PIGL: variants seen among roughly 807,000 people sequenced by gnomAD.
PIGL encodes the protein N-acetylglucosaminyl-phosphatidylinositol de-N-acetylase.
Under a neutral mutation model 31.1 loss-of-function variants are expected in PIGL, and 22 were observed. The ratio of observed to expected loss-of-function variants is 0.71; its 90% CI spans 0.51 to 1.01. PIGL has a LOEUF of 1.01. Among genes scored for constraint, PIGL ranks in the 50% least tolerant of loss-of-function variants. The probability of loss-of-function intolerance (pLI) is 0.00; values close to 1 mark genes in which losing one functional copy is unlikely to be tolerated. For missense variants in PIGL, 302 were observed against 315.9 expected (o/e 0.96, Z 0.33); for synonymous variants, 131 against 117.4 (o/e 1.12, Z -0.75).
chr17:16,252,047 C>T (rs1324561338), intron 2 of PIGL, among the ~76,000 whole-genome samples: 5 of 138,444 alleles, frequency 3.6e-5, no homozygotes, highest in Non-Finnish European at 7.6e-5. Flanking sequence ...TTTCTCTATG[C>T]GCAGATAATT....
intron 2 of PIGL, among the ~76,000 whole-genome samples, chr17:16,237,774 C>A (rs1025516349): frequency 2.4e-5 from 3 of 126,480 alleles, no homozygotes; most frequent in Non-Finnish European, 4.7e-5. Context: ...AACTCCAGCC[C>A]GGATAACAGA....
chr17:16,274,580 G>T (rs542693524), intron 2 of PIGL, among the ~76,000 whole-genome samples: 1 of 151,638 alleles, frequency 6.6e-6, no homozygotes, highest in Admixed American at 6.6e-5. Context: ...AAAATTAGCC[G>T]GGCGTGGTGG....
At chr17:16,283,483 T>C (rs2092925012) in intron 2 of PIGL, among the ~76,000 whole-genome samples, 1 of 151,934 alleles carries the variant, frequency 6.6e-6, no homozygotes, top group Non-Finnish European at 1.5e-5. Context: ...AAAAAAGATA[T>C]TTCTGAGGAG....
At chr17:16,304,798 G>A (rs1304730256) in intron 3 of PIGL, among the ~76,000 whole-genome samples, 1 of 152,082 alleles carries the variant, frequency 6.6e-6, no homozygotes, top group Non-Finnish European at 1.5e-5. Context: ...GGTGAACTGG[G>A]AATACAACAG....
rs142095156 is a variant in PIGL at position 16,260,385 on chromosome 17, G to C, written c.335+26315G>C. On this transcript the variant is annotated intron_variant, in intron 2 of 6. Coordinates refer to ENST00000225609, the MANE Select transcript of PIGL (RefSeq NM_004278.4). ...CCATGGCAAACCATGGACCAATTCA[G>C]CACTCATTTCCTCCCCTCTGAAGCC... Among the ~76,000 whole-genome samples, 29 of 152,310 alleles carry C rather than the reference G, an allele frequency of 1.9e-4. 2 individuals are homozygous for C. Among genetic ancestry groups the C allele is most frequent in the African/African-American group, 7.0e-4 (29 of 41,576 alleles).
intron 2 of PIGL, among the ~76,000 whole-genome samples, chr17:16,259,281 GA>G (rs200555325): frequency 0.053 from 7,264 of 137,050 alleles, 287 homozygotes; most frequent in African/African-American, 0.12. Context: ...GACTTTGCAG[GA>G]AAAAAAAAAA....
At chr17:16,295,059 C>T (rs2092975573) in intron 2 of PIGL, among the ~76,000 whole-genome samples, 1 of 152,180 alleles carries the variant, frequency 6.6e-6, no homozygotes, top group Admixed American at 6.5e-5. Flanking sequence ...CTTGGTTAGA[C>T]CTTGACTGAT....
chr17:16,240,946 C>A (rs2092720328), intron 2 of PIGL, among the ~76,000 whole-genome samples: 1 of 151,310 alleles, frequency 6.6e-6, no homozygotes, highest in Non-Finnish European at 1.5e-5. Flanking sequence ...GAAACCCGGT[C>A]TCTACTAAAA....
intron 2 of PIGL, among the ~76,000 whole-genome samples, chr17:16,261,259 G>A (rs2092818179): frequency 1.3e-5 from 2 of 152,136 alleles, no homozygotes; most frequent in South Asian, 4.1e-4. Context: ...CTGCTGGGCT[G>A]AGTGGGCAGA....
At chr17:16,254,426 A>T (rs1028515204) in intron 2 of PIGL, among the ~76,000 whole-genome samples, 3 of 150,596 alleles carry the variant, frequency 2.0e-5, no homozygotes, top group Admixed American at 1.3e-4. Flanking sequence ...GCGCCACCAC[A>T]CCTGGCTAAT....
intron 2 of PIGL, chr17:16,279,727 T>G (rs2092909036): frequency 6.6e-6 from 1 of 152,214 alleles, no homozygotes. Context: ...AGTGAGTCAG[T>G]CATCAGATTA....
intron 2 of PIGL, among the ~76,000 whole-genome samples, chr17:16,247,744 G>C (rs1043408402): frequency 6.6e-6 from 1 of 152,174 alleles, no homozygotes; most frequent in Non-Finnish European, 1.5e-5. Context: ...AGTCCAGCAG[G>C]CTTCTTTCGT....
intron 3 of PIGL, among the ~76,000 whole-genome samples, chr17:16,308,851 T>G (rs1308933226): frequency 6.9e-6 from 1 of 145,788 alleles, no homozygotes; most frequent in East Asian, 2.1e-4. Flanking sequence ...TGGAATGGTG[T>G]GATCATGGCT....
At chr17:16,281,074 A>G (rs2092914904) in intron 2 of PIGL, among the ~76,000 whole-genome samples, 1 of 152,202 alleles carries the variant, frequency 6.6e-6, no homozygotes, top group South Asian at 2.1e-4. Context: ...ACATGTATAA[A>G]TATAAGCACT....
intron 2 of PIGL, among the ~76,000 whole-genome samples, chr17:16,257,649 G>T (rs1158391961): frequency 1.9e-5 from 2 of 102,696 alleles, no homozygotes; most frequent in South Asian, 2.5e-4. Context: ...TCAGCAGTGG[G>T]TTTTTTTTTT....
intron 3 of PIGL, among the ~76,000 whole-genome samples, chr17:16,307,892 C>G (rs2093032680): frequency 6.7e-6 from 1 of 149,948 alleles, no homozygotes. Flanking sequence ...TTCAAGGAGC[C>G]CAGGGGTTCA....
chr17:16,260,185 A>G (rs939836059), intron 2 of PIGL, among the ~76,000 whole-genome samples: 10 of 152,136 alleles, frequency 6.6e-5, no homozygotes, highest in Non-Finnish European at 1.5e-4. Flanking sequence ...CCTTGGTGCC[A>G]TGGACACTTG....
intron 1 of PIGL, among the ~76,000 whole-genome samples, chr17:16,225,383 CTT>C (rs948575134): frequency 0.012 from 1,146 of 97,398 alleles, 3 homozygotes; most frequent in South Asian, 0.022. Context: ...AAGCACGTTT[CTT>C]TTTTTTTTTT....
chr17:16,246,647 G>A (rs918522065), intron 2 of PIGL, among the ~76,000 whole-genome samples: 8 of 148,188 alleles, frequency 5.4e-5, no homozygotes, highest in African/African-American at 2.0e-4. Flanking sequence ...CCACATTTCT[G>A]CAGGCTAGAA....
Sources: allele counts gnomAD v4.1 joint callset (sites outside exome capture counted in the v4.1 genomes callset), GRCh38; gene constraint gnomAD v4.1.1; transcripts MANE v1.5; gene names NCBI Gene and HGNC (gene_info 2026-07-23, HGNC 2026-07-21).